The following LYPD6 variants were observed in gnomAD, a reference collection of about 807,000 sequenced individuals.
LYPD6 encodes ly6/PLAUR domain-containing protein 6.
In LYPD6, 15 loss-of-function variants were observed where a neutral mutation model predicts 22.7. The observed-to-expected ratio is 0.66, with a 90% CI of 0.44 to 1.02. The LOEUF (loss-of-function observed/expected upper bound fraction) is 1.02. LYPD6 is among the 50% of genes least tolerant of loss of function. The pLI is 0.00. For missense variants in LYPD6, 189 were observed against 208.4 expected (o/e 0.91, Z 0.57); for synonymous variants, 72 against 77.5 (o/e 0.93, Z 0.37).
At chr2:149,405,262 G>T (rs1682672946) in intron 1 of LYPD6, among the ~76,000 whole-genome samples, 1 of 152,170 alleles carries the variant, frequency 6.6e-6, no homozygotes, top group South Asian at 2.1e-4. Flanking sequence ...ATGAGTTAGG[G>T]AGGATTCCCT....
chr2:149,439,686 T>C (rs1046934647), intron 2 of LYPD6, among the ~76,000 whole-genome samples: 1 of 152,170 alleles, frequency 6.6e-6, no homozygotes. Flanking sequence ...GGGTCTCTAT[T>C]GGGAAATTCA....
chr2:149,461,388 T>C (rs2105175131), intron 3 of LYPD6, among the ~76,000 whole-genome samples: 1 of 152,048 alleles, frequency 6.6e-6, no homozygotes, highest in Admixed American at 6.5e-5. Flanking sequence ...GAATTTTTTT[T>C]ATAACTTAAA....
intron 1 of LYPD6, among the ~76,000 whole-genome samples, chr2:149,368,848 A>G (rs1188424180): frequency 1.3e-5 from 2 of 152,176 alleles, no homozygotes; most frequent in Non-Finnish European, 2.9e-5. Context: ...AGCGGGAAAC[A>G]GAGGAAGAAG....
intron 1 of LYPD6, among the ~76,000 whole-genome samples, chr2:149,429,495 T>A (rs1683265886): frequency 6.6e-6 from 1 of 152,226 alleles, no homozygotes; most frequent in Non-Finnish European, 1.5e-5. Context: ...TGATTGGGAT[T>A]TCTGTACCTT....
intron 1 of LYPD6, among the ~76,000 whole-genome samples, chr2:149,333,892 A>G (rs908736862): frequency 1.3e-5 from 2 of 152,214 alleles, no homozygotes; most frequent in Non-Finnish European, 2.9e-5. Flanking sequence ...TTCTAATGGA[A>G]GAGGGGACTC....
At chr2:149,348,163 C>T (rs1447188530) in intron 1 of LYPD6, among the ~76,000 whole-genome samples, 1 of 149,914 alleles carries the variant, frequency 6.7e-6, no homozygotes, top group East Asian at 2.0e-4. Flanking sequence ...CAAGGGCCAA[C>T]TTGTGCCAAT....
chr2:149,388,522 A>C (rs963209662), intron 1 of LYPD6, among the ~76,000 whole-genome samples: 1 of 152,038 alleles, frequency 6.6e-6, no homozygotes, highest in Non-Finnish European at 1.5e-5. Context: ...TGTTGAGCAA[A>C]GCCAAGCACA....
At chr2:149,365,009 C>T (rs903054569) in intron 1 of LYPD6, among the ~76,000 whole-genome samples, 2 of 152,172 alleles carry the variant, frequency 1.3e-5, no homozygotes, top group Non-Finnish European at 2.9e-5. Flanking sequence ...GAATCTCTCT[C>T]ACTATCCCCT....
chr2:149,418,200 G>A (rs995091669), intron 1 of LYPD6, among the ~76,000 whole-genome samples: 10 of 152,122 alleles, frequency 6.6e-5, no homozygotes, highest in Non-Finnish European at 1.5e-4. Context: ...ATAAGCCAAA[G>A]GGAACAAAGA....
chr2:149,407,899 A>T (rs981992019), intron 1 of LYPD6, among the ~76,000 whole-genome samples: 2 of 152,170 alleles, frequency 1.3e-5, no homozygotes, highest in Non-Finnish European at 2.9e-5. Context: ...GGTGACGTAC[A>T]GATGGGTTTT....
chr2:149,423,625 G>A (rs1046555409), intron 1 of LYPD6, among the ~76,000 whole-genome samples: 3 of 151,906 alleles, frequency 2.0e-5, no homozygotes, highest in Admixed American at 6.6e-5. Context: ...TTTTTTCTGC[G>A]GATAGATACC....
At chr2:149,380,688 G>A (rs1441474838) in intron 1 of LYPD6, among the ~76,000 whole-genome samples, 3 of 152,192 alleles carry the variant, frequency 2.0e-5, no homozygotes, top group South Asian at 4.1e-4. Flanking sequence ...GGATACAGAA[G>A]TATGCAACTC....
chr2:149,389,227 C>G (rs541964166), intron 1 of LYPD6, among the ~76,000 whole-genome samples: 1 of 152,116 alleles, frequency 6.6e-6, no homozygotes, highest in Non-Finnish European at 1.5e-5. Context: ...TCCTAGGAAG[C>G]TCTTTCATGG....
intron 1 of LYPD6, among the ~76,000 whole-genome samples, chr2:149,386,029 T>TA (rs1228101226): frequency 6.6e-6 from 1 of 152,198 alleles, no homozygotes; most frequent in Non-Finnish European, 1.5e-5. Flanking sequence ...AATTAACCGT[T>TA]ACAATTGCCT....
Position 149,403,425 on chromosome 2 carries a change from A to G in LYPD6, c.-71-34213A>G, listed in dbSNP as rs1160903714. On this transcript the variant is annotated intron_variant, in intron 1 of 4. Transcript: ENST00000334166. Reference sequence around the variant, plus strand: ...CTGACTTTTTAATGATTGCCATTCTAACTGGTGTGAGATGGTATCTCATTG... The same window carrying G: ...CTGACTTTTTAATGATTGCCATTCTGACTGGTGTGAGATGGTATCTCATTG... Among the ~76,000 whole-genome samples the G allele has an allele frequency of 3.9e-4, 58 of 150,318 alleles. No individual in the cohort carries two copies. In the East Asian group the frequency reaches 0.011, roughly 29 times the overall value.
At chr2:149,365,484 T>C (rs1044228189) in intron 1 of LYPD6, among the ~76,000 whole-genome samples, 1 of 152,240 alleles carries the variant, frequency 6.6e-6, no homozygotes, top group African/African-American at 2.4e-5. Context: ...TGCTGCTTTT[T>C]TAATGCACAA....
At chr2:149,377,417 T>C (rs1417873785) in intron 1 of LYPD6, among the ~76,000 whole-genome samples, 1 of 152,098 alleles carries the variant, frequency 6.6e-6, no homozygotes, top group Admixed American at 6.5e-5. Context: ...GCAGGAGCAC[T>C]TCTCCCAGAT....
At chr2:149,480,475 C>T in the LYPD6 span, among the ~76,000 whole-genome samples, 1 of 152,096 alleles carries the variant, frequency 6.6e-6, no homozygotes, top group Non-Finnish European at 1.5e-5. Context: ...AACATCTTCC[C>T]TGACACCCCC....
At chr2:149,370,286 G>GC (rs1444824217) in intron 1 of LYPD6, among the ~76,000 whole-genome samples, 1 of 152,082 alleles carries the variant, frequency 6.6e-6, no homozygotes, top group Non-Finnish European at 1.5e-5. Flanking sequence ...CCCAAGTTGG[G>GC]CCCAGTGTCC....
Sources: gnomAD v4.1 joint callset for allele counts (sites outside exome capture counted in the v4.1 genomes callset) on GRCh38, gnomAD v4.1.1 for gene constraint, MANE v1.5 for transcripts, NCBI Gene and HGNC (gene_info 2026-07-23, HGNC 2026-07-21) for gene names.